FNTB: variants seen among roughly 807,000 people sequenced by gnomAD.
FNTB encodes farnesyltransferase, CAAX box, subunit beta.
In FNTB, 27 loss-of-function variants were observed where a neutral mutation model predicts 59.4. The ratio of observed to expected loss-of-function variants is 0.45; its 90% CI spans 0.34 to 0.63. FNTB has a LOEUF of 0.63. Ranked by LOEUF, FNTB falls within the 20% of genes least tolerant of loss-of-function variation. The pLI is 0.02. For missense variants in FNTB, 449 were observed against 559.6 expected (o/e 0.80, Z 1.99); for synonymous variants, 230 against 220.7 (o/e 1.04, Z -0.37).
At chr14:65,055,141 T>C (rs979898350) in intron 11 of FNTB, among the ~76,000 whole-genome samples, 3 of 152,220 alleles carry the variant, frequency 2.0e-5, no homozygotes, top group African/African-American at 4.8e-5. Flanking sequence ...TCTGCCTCAG[T>C]GCCTTGTTCA....
At chr14:65,022,216 C>T (rs188233164) in intron 4 of FNTB, 35 of 381,492 alleles carry the variant, frequency 9.2e-5, no homozygotes, top group African/African-American at 6.8e-4. Flanking sequence ...CTTGCATTTA[C>T]ATCCCCTCCT....
At position 65,044,558 on chromosome 14, in the gene FNTB, A is replaced by C; in HGVS notation, c.955+115A>C. On this transcript the variant is annotated intron_variant, in intron 9 of 11. Transcript: ENST00000246166. The surrounding 1 kb of genome is among the most constrained non-coding windows in gnomAD (Gnocchi z 5.5). ...TTGAAATGAGCTCTGTCTATCCTGGATTTTGAGTGCCCAGTGTGGAACCTC... is the reference window on the plus strand; with the variant it reads ...TTGAAATGAGCTCTGTCTATCCTGGCTTTTGAGTGCCCAGTGTGGAACCTC... 1 of 1,451,556 alleles carries C rather than the reference A, an allele frequency of 6.9e-7. No homozygotes were observed. Among genetic ancestry groups the C allele is most frequent in the Non-Finnish European group, 9.1e-7 (1 of 1,096,324 alleles). The allele number at this position is 1,451,556 out of a possible 1,614,324, so 89.9% of individuals were successfully genotyped here.
intron 9 of FNTB, among the ~76,000 whole-genome samples, chr14:65,052,101 A>G (rs2062628977): frequency 6.6e-6 from 1 of 152,164 alleles, no homozygotes; most frequent in South Asian, 2.1e-4. Context: ...GGCCCACCAT[A>G]GGAATTTATA....
intron 11 of FNTB, among the ~76,000 whole-genome samples, chr14:65,059,420 ATCTAGG>A (rs1182319532): frequency 6.6e-6 from 1 of 152,106 alleles, no homozygotes; most frequent in Non-Finnish European, 1.5e-5. Flanking sequence ...CTGAGAAACC[ATCTAGG>A]TCTAGTATCT....
intron 4 of FNTB, chr14:65,022,086 C>T (rs546916136): frequency 7.2e-5 from 33 of 455,998 alleles, no homozygotes; most frequent in African/African-American, 6.0e-4. Flanking sequence ...AGATGCTGCC[C>T]GTCTTCACCT....
At chr14:65,041,022 A>G in intron 8 of FNTB, 103 bp downstream of exon 8, 4 of 1,527,458 alleles carry the variant, frequency 2.6e-6, no homozygotes, top group Non-Finnish European at 3.5e-6. Flanking sequence ...GGGAAGGGCT[A>G]AGAGAGTTAG....
rs922744025 is a variant in FNTB at position 65,059,133 on chromosome 14, C to T, written c.1183-2048C>T. Among the ~76,000 whole-genome samples the T allele has an allele frequency of 1.2e-4, 19 of 152,150 alleles. 1 individual carries two copies. Among genetic ancestry groups the T allele is most frequent in the Admixed American group, 1.2e-3 (19 of 15,280 alleles). On this transcript the variant is annotated intron_variant, in intron 11 of 11. Coordinates refer to ENST00000246166, the MANE Select transcript of FNTB (RefSeq NM_002028.4). ...GAACTCCTGGGCTCAAGCTATCCTC[C>T]TGCCTTAGCCTCCCAAGTAGCAGGG... is the stretch of plus-strand genomic sequence containing the variant.
At chr14:65,045,944 C>T (rs1264459016) in intron 9 of FNTB, among the ~76,000 whole-genome samples, 1 of 152,214 alleles carries the variant, frequency 6.6e-6, no homozygotes, top group African/African-American at 2.4e-5. Context: ...CCTTGACCAC[C>T]AGTAGGGAAG....
chr14:65,020,913 A>C (rs2061874661), intron 4 of FNTB, among the ~76,000 whole-genome samples: 2 of 151,194 alleles, frequency 1.3e-5, no homozygotes, highest in African/African-American at 2.4e-5. Flanking sequence ...TGTATTTTGT[A>C]AAGACAGGCT....
chr14:65,026,237 C>T (rs1191311745), intron 4 of FNTB, among the ~76,000 whole-genome samples: 2 of 152,202 alleles, frequency 1.3e-5, no homozygotes, highest in Admixed American at 6.5e-5. Flanking sequence ...GCTTGATAAC[C>T]AGGGCTTTCC....
chr14:65,060,759 G>C (rs1033865031), intron 11 of FNTB, among the ~76,000 whole-genome samples: 6 of 146,610 alleles, frequency 4.1e-5, no homozygotes, highest in African/African-American at 1.5e-4. Context: ...TGTAATCCCA[G>C]CTACTCAGGA....
chr14:64,997,126 G>T lies in FNTB; in HGVS notation c.145-7123G>T, dbSNP rs1215220625. On this transcript the variant is annotated intron_variant, in intron 1 of 11. Coordinates refer to ENST00000246166, the MANE Select transcript of FNTB (RefSeq NM_002028.4). This position sits in a 1 kb window ranked among gnomAD's most constrained non-coding sequence, Gnocchi z 4.5. ...GGAAAGACAATCTCCCTTTAGAATT[G>T]TGAGAGGGTCCTGAATTCTGCTAAG... 6.6e-6 allele frequency among the ~76,000 whole-genome samples: 1 copy of T among 152,080 alleles called. No individual in the cohort carries two copies. Among genetic ancestry groups the T allele is most frequent in the African/African-American group, 2.4e-5 (1 of 41,396 alleles).
intron 4 of FNTB, among the ~76,000 whole-genome samples, chr14:65,024,058 C>T (rs1046085740): frequency 2.0e-5 from 3 of 151,216 alleles, no homozygotes; most frequent in Non-Finnish European, 4.4e-5. Flanking sequence ...GCTGAGATCG[C>T]TCAACTGCAC....
chr14:65,048,957 T>C (rs1002147705), intron 9 of FNTB, among the ~76,000 whole-genome samples: 4 of 152,120 alleles, frequency 2.6e-5, no homozygotes, highest in African/African-American at 4.8e-5. Context: ...AAACCCCATC[T>C]CTACTAAAGA....
intron 4 of FNTB, among the ~76,000 whole-genome samples, chr14:65,017,166 A>T (rs1318925921): frequency 2.0e-5 from 3 of 151,752 alleles, no homozygotes; most frequent in Non-Finnish European, 4.4e-5. Context: ...CAGCTGATCT[A>T]CCTGCCTCGG....
At chr14:64,987,906 C>T (rs964065845) in intron 1 of FNTB, among the ~76,000 whole-genome samples, 2 of 152,170 alleles carry the variant, frequency 1.3e-5, no homozygotes, top group African/African-American at 2.4e-5. Flanking sequence ...CTATGTGGAA[C>T]TGTTTATCCA....
chr14:65,003,369 C>T (rs1457679152), intron 1 of FNTB: 1 of 152,018 alleles, frequency 6.6e-6, no homozygotes, highest in East Asian at 1.9e-4. Context: ...AGTTAATGAA[C>T]ATCCAAACAA....
chr14:65,050,306 C>G (rs983815659), intron 9 of FNTB, among the ~76,000 whole-genome samples: 8 of 152,158 alleles, frequency 5.3e-5, no homozygotes, highest in African/African-American at 1.9e-4. Flanking sequence ...TAAAAAGTAA[C>G]TAAAGCTGGC....
In FNTB at chr14:65,055,816, C is replaced by G. The variant is rs183194211; in HGVS notation, c.1182+1127C>G. Among the ~76,000 whole-genome samples, 472 of 152,208 alleles carry G rather than the reference C, an allele frequency of 3.1e-3. 2 individuals are homozygous for G. The highest frequency in any genetic ancestry group is 0.011 in the African/African-American group (445 of 41,524). On this transcript the variant is annotated intron_variant, in intron 11 of 11. Coordinates refer to ENST00000246166, the MANE Select transcript of FNTB (RefSeq NM_002028.4). ...ACATGTGTGAGCCACCACGCCTGGC[C>G]CCATCTTTGTTTCTTTTAATTGGGA... is the stretch of plus-strand genomic sequence containing the variant.
Sources: gnomAD v4.1 joint callset for allele counts (sites outside exome capture counted in the v4.1 genomes callset) on GRCh38, gnomAD v4.1.1 for gene constraint, Gnocchi (gnomAD v3.1) non-coding constraint, MANE v1.5 for transcripts, NCBI Gene and HGNC (gene_info 2026-07-23, HGNC 2026-07-21) for gene names.